Variants in ZFHX3 observed in about 807,000 individuals in gnomAD.
The protein encoded by ZFHX3 is zinc finger homeobox 3.
In ZFHX3, 42 loss-of-function variants were observed where a neutral mutation model predicts 279.1. The ratio of observed to expected loss-of-function variants is 0.15; its 90% CI spans 0.12 to 0.19. The LOEUF (loss-of-function observed/expected upper bound fraction) is 0.19, where lower values mean the gene tolerates loss of function less well. ZFHX3 is among the 10% of genes least tolerant of loss of function. The pLI, the probability that ZFHX3 is intolerant of heterozygous loss-of-function variation, is 1.00. For missense variants in ZFHX3, 4,981 were observed against 4,754.0 expected (o/e 1.05, Z -1.40); for synonymous variants, 2,293 against 1,957.8 (o/e 1.17, Z -4.52).
At chr16:73,387,921 G>T (rs150491244) in intron 3 of ZFHX3, among the ~76,000 whole-genome samples, 1 of 151,988 alleles carries the variant, frequency 6.6e-6, no homozygotes, top group East Asian at 2.0e-4. Context: ...AGCTCGCCTA[G>T]TTAAAGGGAT....
At chr16:73,274,593 A>G (rs2014241775) in intron 4 of ZFHX3, among the ~76,000 whole-genome samples, 1 of 152,180 alleles carries the variant, frequency 6.6e-6, no homozygotes, top group South Asian at 2.1e-4. Context: ...TAAGTAATTC[A>G]TCTATTCTTT....
chr16:73,299,778 G>A (rs1251428624), intron 4 of ZFHX3, among the ~76,000 whole-genome samples: 1 of 152,128 alleles, frequency 6.6e-6, no homozygotes, highest in Non-Finnish European at 1.5e-5. Flanking sequence ...GGATTTGACG[G>A]AAGCAAACAA....
intron 1 of ZFHX3, among the ~76,000 whole-genome samples, chr16:73,002,751 G>T (rs545498605): frequency 2.0e-5 from 3 of 151,988 alleles, no homozygotes; most frequent in African/African-American, 7.2e-5. Context: ...TTAGGTTCTC[G>T]CTAATTCACA....
chr16:73,629,478 T>C (rs2052448392), intron 2 of ZFHX3, among the ~76,000 whole-genome samples: 1 of 152,128 alleles, frequency 6.6e-6, no homozygotes, highest in Non-Finnish European at 1.5e-5. Context: ...ATTTATGATA[T>C]TGTGGACTTA....
chr16:73,691,242 A>T (rs2053146757), intron 1 of ZFHX3, among the ~76,000 whole-genome samples: 1 of 152,076 alleles, frequency 6.6e-6, no homozygotes, highest in Admixed American at 6.6e-5. Flanking sequence ...GAACTAGCCT[A>T]AAAAAATCTT....
intron 3 of ZFHX3, among the ~76,000 whole-genome samples, chr16:73,346,322 C>T (rs577134863): frequency 6.6e-6 from 1 of 152,308 alleles, no homozygotes; most frequent in South Asian, 2.1e-4. Context: ...TGGGCTCTCC[C>T]ACCGTCTGTC....
chr16:73,241,182 C>T (rs888997154), intron 5 of ZFHX3, among the ~76,000 whole-genome samples: 1 of 152,140 alleles, frequency 6.6e-6, no homozygotes, highest in Non-Finnish European at 1.5e-5. Flanking sequence ...GCACCTGTGC[C>T]CATATACAGA....
At chr16:73,547,744 C>A (rs1226937589) in intron 2 of ZFHX3, among the ~76,000 whole-genome samples, 1 of 152,178 alleles carries the variant, frequency 6.6e-6, no homozygotes, top group Non-Finnish European at 1.5e-5. Flanking sequence ...ACCCAGTCTG[C>A]CCCAGTGACA....
rs773638084 is a variant in ZFHX3, at chr16:72,958,178, G to A, written c.1968C>T (p.Gly656=). Residue 656 remains glycine, a synonymous_variant, in exon 2 of 10, where the codon GGC becomes GGT. Transcript: ENST00000268489. ...GAGAATGCATCATGGTCATGTGGCC[G>A]CCCAGCGAGCGGGAGGAGCCCAGGA... is the stretch of plus-strand genomic sequence containing the variant. ...DTVLGSSRSL[G]GHMTMMHSRN... 2.0e-5 allele frequency: 33 copies of A among 1,613,360 alleles called. No homozygotes were observed. Among genetic ancestry groups the A allele is most frequent in the African/African-American group, 5.3e-5 (4 of 74,912 alleles).
At chr16:73,642,400 G>C (rs1165618215) in intron 2 of ZFHX3, among the ~76,000 whole-genome samples, 1 of 152,078 alleles carries the variant, frequency 6.6e-6, no homozygotes, top group South Asian at 2.1e-4. Flanking sequence ...TTTTACTTCT[G>C]TCATATTGAC....
intron 5 of ZFHX3, among the ~76,000 whole-genome samples, chr16:73,200,510 T>C (rs964791382): frequency 2.0e-5 from 3 of 152,168 alleles, no homozygotes; most frequent in African/African-American, 7.2e-5. Flanking sequence ...TACAAAATGA[T>C]ATTAAATAAA....
chr16:73,181,081 GTTTGT>G (rs375983001), intron 5 of ZFHX3, among the ~76,000 whole-genome samples: 18,532 of 142,714 alleles, frequency 0.13, 1,288 homozygotes, highest in Non-Finnish European at 0.17. Context: ...TTTTTTGTTT[GTTTGT>G]TTTGTTTTGT....
intron 3 of ZFHX3, among the ~76,000 whole-genome samples, chr16:73,341,071 G>A (rs112048498): frequency 0.081 from 12,317 of 152,172 alleles, 1,115 homozygotes; most frequent in African/African-American, 0.21. Flanking sequence ...AGCCGGATGC[G>A]GTGGCTCACA....
At chr16:73,088,827 G>A (rs758474415) in intron 8 of ZFHX3, among the ~76,000 whole-genome samples, 3 of 152,172 alleles carry the variant, frequency 2.0e-5, no homozygotes, top group African/African-American at 7.2e-5. Context: ...ACCTCATAGT[G>A]CTGGCCATGC....
At chr16:73,176,281 T>C (rs1436542352) in intron 5 of ZFHX3, among the ~76,000 whole-genome samples, 2 of 152,196 alleles carry the variant, frequency 1.3e-5, no homozygotes, top group African/African-American at 2.4e-5. Flanking sequence ...AATTAACTCA[T>C]CAACTACCAT....
chr16:73,673,752 C>G (rs1408896462), intron 2 of ZFHX3, among the ~76,000 whole-genome samples: 1 of 152,170 alleles, frequency 6.6e-6, no homozygotes, highest in Non-Finnish European at 1.5e-5. Flanking sequence ...ACAGGGATAA[C>G]AGCAGGGCAG....
At chr16:73,337,192 T>C (rs918264971) in intron 3 of ZFHX3, among the ~76,000 whole-genome samples, 4 of 152,200 alleles carry the variant, frequency 2.6e-5, no homozygotes, top group African/African-American at 9.6e-5. Flanking sequence ...TTCATGGCTG[T>C]GTGCTCCTAA....
chr16:73,190,655 T>C (rs75627994), intron 5 of ZFHX3, among the ~76,000 whole-genome samples: 1 of 152,334 alleles, frequency 6.6e-6, no homozygotes, highest in East Asian at 1.9e-4. Flanking sequence ...CTGTCTCCAT[T>C]TCCAGGGTGA....
At chr16:73,382,677 G>T (rs991798092) in intron 3 of ZFHX3, among the ~76,000 whole-genome samples, 2 of 152,162 alleles carry the variant, frequency 1.3e-5, no homozygotes, top group African/African-American at 4.8e-5. Context: ...GCTGATTTTT[G>T]ATGAAAACAT....
Sources: gnomAD v4.1 joint callset for allele counts (sites outside exome capture counted in the v4.1 genomes callset) on GRCh38, gnomAD v4.1.1 for gene constraint, MANE v1.5 for transcripts, NCBI Gene and HGNC (gene_info 2026-07-23, HGNC 2026-07-21) for gene names.